Variants in TLR8 observed in about 807,000 individuals in gnomAD.
The protein encoded by TLR8 is toll like receptor 8, also known as toll-like receptor 8.
In TLR8, 5 loss-of-function variants were observed where a neutral mutation model predicts 18.5. That is an observed-to-expected ratio of 0.27 (90% confidence interval 0.14 to 0.57). The LOEUF (loss-of-function observed/expected upper bound fraction) is 0.57. TLR8 is among the 20% of genes least tolerant of loss of function. The pLI is 0.92. For missense variants in TLR8, 543 were observed against 769.8 expected, an observed-to-expected ratio of 0.71 and a Z score of 3.49; for synonymous variants, 299 against 300.1, an observed-to-expected ratio of 1.00 and a Z score of 0.04.
chrX:12,919,509 A>G lies in TLR8; in HGVS notation c.469A>G (p.Asn157Asp). 8.3e-7 allele frequency: 1 copy of G among 1,209,182 alleles called. No homozygotes were observed. The highest frequency in any genetic ancestry group is 1.1e-6 in the Non-Finnish European group (1 of 894,560). The change falls in exon 2 of 2, where the codon AAT (asparagine) becomes GAT (aspartate). Residue 157 changes from asparagine to aspartate, a missense_variant. Asn to Asp is a conservative substitution (Grantham distance 23, BLOSUM62 1). Around this residue, in one of 4 missense-constraint regions of TLR8, gnomAD observed 185 missense variants for 298.9 expected, o/e 0.62. Transcript: ENST00000218032. ...SLTELSLIQNNIYNITKEGIS... is the reference protein window; with the variant it reads ...SLTELSLIQNDIYNITKEGIS... ...GACAGAACTTAGTCTAATTCAAAAC[A>G]ATATATACAACATAACTAAAGAGGG...
Position 12,920,225 on chromosome X carries a change from C to A in TLR8, c.1185C>A (p.Asn395Lys), listed in dbSNP as rs201316478. ...TCCAGCCCCTGATGCAGCTTCCAAA[C>A]TTATCGACTATCAACTTGGGTATTA... ...DDFQPLMQLP[N>K]LSTINLGINF... is the part of the protein sequence containing the mutation. The change falls in exon 2 of 2, where the codon AAC becomes AAA. Residue 395 changes from asparagine to lysine, a missense_variant. This residue lies in a region of TLR8 where 185 missense variants were observed against 298.9 expected (regional missense o/e 0.62). Transcript: ENST00000218032. 4.4e-5 allele frequency: 53 copies of A among 1,205,827 alleles called. No homozygotes were observed. Among genetic ancestry groups the A allele is most frequent in the Non-Finnish European group, 5.9e-5 (53 of 893,341 alleles).
At position 12,922,064 on chromosome X, in the gene TLR8, G is replaced by A. The variant is rs775878822; in HGVS notation, c.3024G>A (p.Pro1008=). 37 of 1,209,769 alleles carry A rather than the reference G, an allele frequency of 3.1e-5. No homozygotes were observed. Among genetic ancestry groups the A allele is most frequent in the East Asian group, 1.5e-4 (5 of 33,769 alleles). The stretch of plus-strand genomic sequence containing the variant: ...CCATCCTCCAGTGGCCTGACAACCC[G>A]AAGGCAGAAGGCTTGTTTTGGCAAA... ...KSSILQWPDN[P]KAEGLFWQTL... is the part of the protein sequence containing the mutation. Residue 1008 remains proline (P), a synonymous_variant, in exon 2 of 2, where the codon CCG becomes CCA. Transcript: ENST00000218032.
chrX:12,917,665 G>A (rs759000987), intron 1 of TLR8, among the ~76,000 whole-genome samples: 1 of 111,971 alleles, frequency 8.9e-6, no homozygotes, highest in East Asian at 2.8e-4. Flanking sequence ...GATATATTCA[G>A]CCCTCTATTT....
rs2043099863 is a variant in TLR8 at position 12,922,079 on chromosome X, G to C, written c.3039G>C (p.Leu1013Phe). The C allele has an allele frequency of 8.3e-7, 1 of 1,211,568 alleles. No homozygotes were observed. The highest frequency in any genetic ancestry group is 1.1e-6 in the Non-Finnish European group (1 of 895,467). The change falls in exon 2 of 2, where the codon TTG (leucine) becomes TTC (phenylalanine). Residue 1013 changes from leucine to phenylalanine, a missense_variant. Physicochemically the swap from Leu to Phe is conservative, Grantham distance 22. Coordinates refer to ENST00000218032, the MANE Select transcript of TLR8 (RefSeq NM_138636.5). ...CTGACAACCCGAAGGCAGAAGGCTT[G>C]TTTTGGCAAACTCTGAGAAATGTGG... ...QWPDNPKAEG[L>F]FWQTLRNVVL...
intron 1 of TLR8, chrX:12,908,120 C>T (rs1425821295): frequency 9.0e-6 from 1 of 110,756 alleles, no homozygotes; most frequent in Non-Finnish European, 1.9e-5. Context: ...GTGGGCGGAT[C>T]ACTTGAGGTC....
At chrX:12,917,174 A>G (rs1471029747) in intron 1 of TLR8, among the ~76,000 whole-genome samples, 2 of 112,469 alleles carry the variant, frequency 1.8e-5, no homozygotes, top group South Asian at 7.2e-4. Context: ...CATGGGGGTC[A>G]TCTTAAAATT....
At position 12,919,452 on chromosome X, in the gene TLR8, C is replaced by T. The variant is rs374687057; in HGVS notation, c.412C>T (p.Pro138Ser). The stretch of plus-strand genomic sequence containing the variant: ...GTTACTGCTTGAAGACAACCAGTTA[C>T]CCCAAATACCCTCTGGTTTGCCAGA... Reference protein sequence around the residue: ...RELLLEDNQLPQIPSGLPESL... With the variant: ...RELLLEDNQLSQIPSGLPESL... Residue 138 changes from proline (P) to serine (S), a missense_variant, in exon 2 of 2, where the codon CCC becomes TCC. Around this residue, in one of 4 missense-constraint regions of TLR8, gnomAD observed 117 missense variants for 111.0 expected, o/e 1.05. Coordinates refer to ENST00000218032, the MANE Select transcript of TLR8 (RefSeq NM_138636.5). 57 of 1,208,961 alleles carry T rather than the reference C, an allele frequency of 4.7e-5. 2 individuals are homozygous for T. The highest frequency in any genetic ancestry group is 3.7e-4 in the African/African-American group (21 of 57,161).
rs772411632 is a variant in TLR8 at position 12,920,939 on chromosome X, C to T, written c.1899C>T (p.Ser633=). The T allele has an allele frequency of 8.3e-7, 1 of 1,209,128 alleles. No homozygotes were observed. Among genetic ancestry groups the T allele is most frequent in the Non-Finnish European group, 1.1e-6 (1 of 894,671 alleles). The change falls in exon 2 of 2, where the codon TCC becomes TCT. Residue 633 remains serine, a synonymous_variant. Coordinates refer to ENST00000218032, the MANE Select transcript of TLR8 (RefSeq NM_138636.5). ...LWNDDDNRYI[S]IFKGLKNLTR... ...ATGATGATGACAACAGGTATATCTC[C>T]ATTTTCAAAGGTCTCAAGAATCTGA...
chrX:12,918,715 T>C (rs2043072310), intron 1 of TLR8, among the ~76,000 whole-genome samples: 1 of 110,497 alleles, frequency 9.1e-6, no homozygotes, highest in African/African-American at 3.3e-5. Context: ...TTCATTTTTT[T>C]GTAGAGTCAG....
chrX:12,910,162 G>T (rs893183071), intron 1 of TLR8: 1 of 462,412 alleles, frequency 2.2e-6, no homozygotes, highest in African/African-American at 2.5e-5. Flanking sequence ...GGTCAACATT[G>T]TTAACTGCGA....
chrX:12,915,576 G>A (rs919698303), intron 1 of TLR8, among the ~76,000 whole-genome samples: 4 of 112,657 alleles, frequency 3.6e-5, no homozygotes, highest in Non-Finnish European at 7.5e-5. Context: ...TGGAGATACT[G>A]AGAACCTCAA....
chrX:12,922,421 G>A lies in TLR8; in HGVS notation c.*255G>A, dbSNP rs988965957. ...TCACTGGGGTCACACTCATGTGGTT[G>A]TTTTCTGGATTCAATTCCTCCTGGG... On this transcript the variant is annotated 3_prime_UTR_variant, in exon 2 of 2. Transcript: ENST00000218032. 3 of 340,878 alleles carry A rather than the reference G, an allele frequency of 8.8e-6. No individual in the cohort carries two copies. The highest frequency in any genetic ancestry group is 8.0e-5 in the African/African-American group (3 of 37,485). 28.1% of individuals were successfully genotyped at this position (340,878 alleles called of 1,213,427 possible). A position where few individuals can be genotyped will look rare whatever the true frequency, so the allele number is the denominator to read the frequency against.
chrX:12,920,400 C>A lies in TLR8; in HGVS notation c.1360C>A (p.Arg454=). 8.3e-7 allele frequency: 1 copy of A among 1,208,292 alleles called. No individual in the cohort carries two copies. The highest frequency in any genetic ancestry group is 1.1e-6 in the Non-Finnish European group (1 of 894,002). ...SSSFQRHIRK[R]RSTDFEFDPH... Reference sequence around the variant, plus strand: ...CTCTTTTCAACGTCATATCCGGAAACGACGCTCAACAGATTTTGAGTTTGA... The same window carrying A: ...CTCTTTTCAACGTCATATCCGGAAAAGACGCTCAACAGATTTTGAGTTTGA... Residue 454 remains arginine (R), a synonymous_variant, in exon 2 of 2, where the codon CGA becomes AGA. Transcript: ENST00000218032.
Position 12,921,370 on chromosome X carries a change from C to A in TLR8, c.2330C>A (p.Thr777Asn), listed in dbSNP as rs1385989326. The A allele has an allele frequency of 5.8e-6, 7 of 1,211,652 alleles. No individual in the cohort carries two copies. The highest frequency in any genetic ancestry group is 2.3e-4 in the Middle Eastern group (1 of 4,354). Residue 777 changes from threonine to asparagine, a missense_variant, in exon 2 of 2, where the codon ACC becomes AAC. Thr to Asn is a moderately conservative substitution (Grantham distance 65). Coordinates refer to ENST00000218032, the MANE Select transcript of TLR8 (RefSeq NM_138636.5). ...CTACACGGAAACCCCTTTGAATGCA[C>A]CTGTGACATTGGAGATTTCCGAAGA... ...LELHGNPFEC[T>N]CDIGDFRRWM...
At position 12,920,231 on chromosome X, in the gene TLR8, G is replaced by A. The variant is rs377162567; in HGVS notation, c.1191G>A (p.Ser397=). ...FQPLMQLPNL[S]TINLGINFIK... is the part of the protein sequence containing the mutation. ...CCCTGATGCAGCTTCCAAACTTATC[G>A]ACTATCAACTTGGGTATTAATTTTA... Residue 397 remains serine (S), a synonymous_variant, in exon 2 of 2, where the codon TCG becomes TCA. Coordinates refer to ENST00000218032, the MANE Select transcript of TLR8 (RefSeq NM_138636.5). The A allele has an allele frequency of 1.0e-5, 12 of 1,205,023 alleles. No individual in the cohort carries two copies. In the African/African-American group the frequency reaches 1.2e-4, roughly 12 times the overall value.
At chrX:12,912,468 G>A (rs1047609876) in intron 1 of TLR8, among the ~76,000 whole-genome samples, 4 of 113,241 alleles carry the variant, frequency 3.5e-5, no homozygotes, top group Non-Finnish European at 7.5e-5. Context: ...TGGTCACACA[G>A]CACTCCTATG....
At chrX:12,913,463 A>G (rs1053082464) in intron 1 of TLR8, among the ~76,000 whole-genome samples, 20 of 112,926 alleles carry the variant, frequency 1.8e-4, no homozygotes, top group African/African-American at 6.1e-4. Flanking sequence ...ACTCAAATAC[A>G]GTTCCTGAAA....
Position 12,920,255 on chromosome X carries a change from T to G in TLR8, c.1215T>G (p.Phe405Leu). The stretch of plus-strand genomic sequence containing the variant: ...CGACTATCAACTTGGGTATTAATTT[T>G]ATTAAGCAAATCGATTTCAAACTTT... ...NLSTINLGIN[F>L]IKQIDFKLFQ... Residue 405 changes from phenylalanine to leucine, a missense_variant, in exon 2 of 2, where the codon TTT (phenylalanine) becomes TTG (leucine). Transcript: ENST00000218032. 1 of 1,206,247 alleles carries G rather than the reference T, an allele frequency of 8.3e-7. No individual in the cohort carries two copies. The highest frequency in any genetic ancestry group is 1.1e-6 in the Non-Finnish European group (1 of 893,188).
chrX:12,909,139 T>C (rs777222512), intron 1 of TLR8, among the ~76,000 whole-genome samples: 1 of 111,717 alleles, frequency 9.0e-6, no homozygotes, highest in Non-Finnish European at 1.9e-5. Flanking sequence ...GGTTGAGGGA[T>C]TTGTTATTTT....
Sources: allele counts gnomAD v4.1 joint callset (sites outside exome capture counted in the v4.1 genomes callset), GRCh38; gene constraint gnomAD v4.1.1; regional missense constraint gnomAD v4.1.1; transcripts MANE v1.5; gene names NCBI Gene and HGNC (gene_info 2026-07-23, HGNC 2026-07-21).